PLXNA4: variants seen among roughly 807,000 people sequenced by gnomAD.
The protein encoded by PLXNA4 is plexin A4.
A neutral mutation model predicts 191.8 loss-of-function variants in PLXNA4; 44 were observed. The observed-to-expected ratio is 0.23, with a 90% CI of 0.18 to 0.29. The LOEUF is 0.29. PLXNA4 is among the 10% of genes least tolerant of loss of function. The pLI is 1.00. For synonymous variants in PLXNA4, 1,082 were observed against 1,009.5 expected, an observed-to-expected ratio of 1.07 and a Z score of -1.36; for missense variants, 1,800 against 2,488.8, an observed-to-expected ratio of 0.72 and a Z score of 5.89.
chr7:132,405,567 A>T (rs1200455624), intron 3 of PLXNA4, among the ~76,000 whole-genome samples: 2 of 152,080 alleles, frequency 1.3e-5, no homozygotes, highest in African/African-American at 4.8e-5. Flanking sequence ...CCAGGGGAGG[A>T]GGTGTCGGCT....
chr7:132,554,877 C>T (rs1337591297), intron 1 of PLXNA4, among the ~76,000 whole-genome samples: 3 of 152,132 alleles, frequency 2.0e-5, no homozygotes, highest in Admixed American at 6.5e-5. Flanking sequence ...TTTCTGACTT[C>T]GTTGCAGGCA....
chr7:132,621,472 G>A (rs1321595468), intron 2 of PLXNA4, among the ~76,000 whole-genome samples: 1 of 152,004 alleles, frequency 6.6e-6, no homozygotes, highest in Admixed American at 6.5e-5. Flanking sequence ...TGTTGGCCAG[G>A]ATGGTCTCCA....
intron 4 of PLXNA4, among the ~76,000 whole-genome samples, chr7:132,259,459 AAAAAAAAAAAAAAAGAAAAAAG>A (rs1799550721): frequency 7.2e-6 from 1 of 138,664 alleles, no homozygotes; most frequent in African/African-American, 2.7e-5. Context: ...AAAAAAAAAA[AAAAAAAAAAAAAAAGAAAAAAG>A]GAAAAAAGAA....
intron 1 of PLXNA4, among the ~76,000 whole-genome samples, chr7:132,573,441 T>C (rs1438053965): frequency 1.3e-5 from 2 of 152,178 alleles, no homozygotes; most frequent in African/African-American, 2.4e-5. Context: ...CAAAGCCTGA[T>C]GATAACTATG....
chr7:132,158,165 A>G (rs1407943710), intron 25 of PLXNA4, among the ~76,000 whole-genome samples: 1 of 152,220 alleles, frequency 6.6e-6, no homozygotes, highest in African/African-American at 2.4e-5. Flanking sequence ...GCCAAGAGAG[A>G]GGAAATGGGG....
At chr7:132,452,493 A>T (rs774253887) in intron 3 of PLXNA4, among the ~76,000 whole-genome samples, 15 of 152,182 alleles carry the variant, frequency 9.9e-5, no homozygotes, top group Non-Finnish European at 1.8e-4. Context: ...GGGAAATCCA[A>T]AAAAACATGG....
intron 2 of PLXNA4, among the ~76,000 whole-genome samples, chr7:132,597,089 C>T (rs904390747): frequency 3.3e-5 from 5 of 152,168 alleles, no homozygotes; most frequent in African/African-American, 1.2e-4. Context: ...TGGCTGATTG[C>T]CTGAGTCACC....
At chr7:132,344,898 T>C (rs1013839750) in intron 3 of PLXNA4, among the ~76,000 whole-genome samples, 1 of 152,112 alleles carries the variant, frequency 6.6e-6, no homozygotes, top group Non-Finnish European at 1.5e-5. Flanking sequence ...GGAAGGACCT[T>C]TCCCCACCCC....
At chr7:132,411,889 C>G (rs1329855739) in intron 3 of PLXNA4, among the ~76,000 whole-genome samples, 1 of 152,206 alleles carries the variant, frequency 6.6e-6, no homozygotes, top group Non-Finnish European at 1.5e-5. Flanking sequence ...GTTCACATCC[C>G]TGAATGCTCT....
intron 5 of PLXNA4, among the ~76,000 whole-genome samples, chr7:132,236,930 T>G (rs1798721679): frequency 6.6e-6 from 1 of 152,172 alleles, no homozygotes; most frequent in African/African-American, 2.4e-5. Flanking sequence ...TCCAGTTTAC[T>G]CTTAAGAAAA....
rs1161278945 is a variant in PLXNA4 at position 132,553,024 on chromosome 7, C to A, written c.-87+23398G>T. 2.0e-5 allele frequency among the ~76,000 whole-genome samples: 3 copies of A among 152,276 alleles called. No individual in the cohort carries two copies. The East Asian group carries it at 5.8e-4, about 29-fold the overall frequency. ...TTCTGGGGTGCTATGGGCTCCCATG[C>A]CATGAAACTGAAGTTCTTCCTAATT... On this transcript the variant is annotated intron_variant, in intron 1 of 31. Coordinates refer to ENST00000321063, the MANE Select transcript of PLXNA4 (RefSeq NM_020911.2).
At chr7:132,170,078 C>G (rs1273866695) in intron 21 of PLXNA4, among the ~76,000 whole-genome samples, 1 of 151,998 alleles carries the variant, frequency 6.6e-6, no homozygotes, top group Non-Finnish European at 1.5e-5. Flanking sequence ...CAGTAACGAG[C>G]CTGGTTTCAG....
intron 1 of PLXNA4, among the ~76,000 whole-genome samples, chr7:132,511,450 C>A (rs916419252): frequency 6.6e-6 from 1 of 152,284 alleles, no homozygotes; most frequent in Non-Finnish European, 1.5e-5. Context: ...CCCTTGTTAA[C>A]TCATGTAAGC....
chr7:132,507,238 G>A (rs542005015), intron 2 of PLXNA4, among the ~76,000 whole-genome samples: 10 of 152,166 alleles, frequency 6.6e-5, no homozygotes, highest in African/African-American at 1.2e-4. Flanking sequence ...AGCACTCCCC[G>A]TCATAACTAG....
chr7:132,431,606 G>A (rs1450818228), intron 3 of PLXNA4, among the ~76,000 whole-genome samples: 3 of 152,100 alleles, frequency 2.0e-5, no homozygotes, highest in African/African-American at 7.2e-5. Context: ...CAAGACCTCT[G>A]ACCTGCAAGA....
At chr7:132,249,532 T>C (rs2117072685) in intron 4 of PLXNA4, among the ~76,000 whole-genome samples, 1 of 152,274 alleles carries the variant, frequency 6.6e-6, no homozygotes, top group Non-Finnish European at 1.5e-5. Flanking sequence ...GGCTTCCCAG[T>C]GTGGGCTGCG....
intron 4 of PLXNA4, among the ~76,000 whole-genome samples, chr7:132,251,032 G>A (rs1799228214): frequency 6.8e-6 from 1 of 147,932 alleles, no homozygotes; most frequent in Admixed American, 6.8e-5. Flanking sequence ...GGGGATCAAA[G>A]TGCTGCTCCT....
chr7:132,562,499 CTCCTCCTCCTTCTCCTCCTCT>C (rs1360360528), intron 1 of PLXNA4, among the ~76,000 whole-genome samples: 1 of 129,942 alleles, frequency 7.7e-6, no homozygotes, highest in Non-Finnish European at 1.6e-5. Flanking sequence ...CCTCTTTCTC[CTCCTCCTCCTTCTCCTCCTCT>C]TCCTCCTCCT....
intron 3 of PLXNA4, among the ~76,000 whole-genome samples, chr7:132,447,292 C>T (rs1056546792): frequency 5.9e-5 from 9 of 152,202 alleles, no homozygotes; most frequent in African/African-American, 2.2e-4. Flanking sequence ...CCTCTAGACT[C>T]TGTCCCCATT....
Sources: gnomAD v4.1 joint callset for allele counts (sites outside exome capture counted in the v4.1 genomes callset) on GRCh38, gnomAD v4.1.1 for gene constraint, MANE v1.5 for transcripts, NCBI Gene and HGNC (gene_info 2026-07-23, HGNC 2026-07-21) for gene names.